Variants in MBTPS1 observed in about 807,000 individuals in gnomAD.
MBTPS1 encodes membrane-bound transcription factor site-1 protease.
Under a neutral mutation model 127.8 loss-of-function variants are expected in MBTPS1, and 94 were observed. The observed-to-expected ratio is 0.74, with a 90% confidence interval of 0.62 to 0.87. The LOEUF is 0.87. MBTPS1 is among the 40% of genes least tolerant of loss of function. The probability of loss-of-function intolerance (pLI) is 0.00; values close to 1 mark genes in which losing one functional copy is unlikely to be tolerated. For missense variants in MBTPS1, 1,636 were observed against 1,353.2 expected, an observed-to-expected ratio of 1.21 and a Z score of -3.28; for synonymous variants, 632 against 509.4, an observed-to-expected ratio of 1.24 and a Z score of -3.24.
chr16:84,093,017 G>A (rs1254488045), intron 6 of MBTPS1, among the ~76,000 whole-genome samples, 171 bp downstream of exon 6: 3 of 152,194 alleles, frequency 2.0e-5, no homozygotes, highest in Non-Finnish European at 2.9e-5. Flanking sequence ...GGAGAAGGGC[G>A]GAGCCACCCA....
rs564431586 is a variant in MBTPS1, at chr16:84,112,671, A to C, written c.-325+4064T>G. On this transcript the variant is annotated intron_variant, in intron 1 of 22. Coordinates refer to ENST00000343411, the MANE Select transcript of MBTPS1 (RefSeq NM_003791.4). Reference sequence around the variant, plus strand: ...AGCGAGACTCGGTCTCAAAAAAAACAAAAAAAAACAAAAAAAGAATACGCC... The same window carrying C: ...AGCGAGACTCGGTCTCAAAAAAAACCAAAAAAAACAAAAAAAGAATACGCC... Among the ~76,000 whole-genome samples the C allele has an allele frequency of 1.1e-3, 165 of 145,846 alleles. 10 individuals are homozygous for C. Among genetic ancestry groups the C allele is most frequent in the Non-Finnish European group, 2.1e-3 (137 of 66,020 alleles).
chr16:84,088,765 T>C (rs1302517275), intron 8 of MBTPS1, among the ~76,000 whole-genome samples: 1 of 152,096 alleles, frequency 6.6e-6, no homozygotes, highest in African/African-American at 2.4e-5. Context: ...CGTATGCATG[T>C]TACTGTCCTC....
At chr16:84,087,024 A>T (rs1211234082) in intron 9 of MBTPS1, among the ~76,000 whole-genome samples, 1 of 152,130 alleles carries the variant, frequency 6.6e-6, no homozygotes, top group East Asian at 1.9e-4. Flanking sequence ...ACTGCTTACC[A>T]CTACTAGATA....
At chr16:84,070,070 C>T (rs758274372) in intron 13 of MBTPS1, 32 bp from the exon 14 acceptor site, 2 of 1,536,614 alleles carry the variant, frequency 1.3e-6, no homozygotes, top group Admixed American at 4.6e-5. Context: ...TTGAAACGCC[C>T]TCATTGTGCA....
intron 6 of MBTPS1, among the ~76,000 whole-genome samples, chr16:84,092,645 T>C (rs773815136): frequency 6.6e-6 from 1 of 152,192 alleles, no homozygotes; most frequent in East Asian, 1.9e-4. Flanking sequence ...ATTCAAAAAT[T>C]AACCTTAAAA....
intron 18 of MBTPS1, among the ~76,000 whole-genome samples, chr16:84,063,867 C>G (rs1044785890): frequency 6.6e-6 from 1 of 152,182 alleles, no homozygotes; most frequent in East Asian, 1.9e-4. Context: ...TCTATGAATA[C>G]AGTCATATAT....
intron 19 of MBTPS1, among the ~76,000 whole-genome samples, chr16:84,062,500 G>A (rs1017959216): frequency 9.9e-5 from 15 of 152,148 alleles, no homozygotes; most frequent in African/African-American, 3.4e-4. Flanking sequence ...AGCCTGAAAC[G>A]GAGGGGCACA....
chr16:84,069,426 T>C (rs2085737964), intron 14 of MBTPS1, among the ~76,000 whole-genome samples: 1 of 114,108 alleles, frequency 8.8e-6, no homozygotes, highest in Non-Finnish European at 2.0e-5. Context: ...TAGAATTTGT[T>C]TTAAGATTAC....
Position 84,068,372 on chromosome 16 carries a change from C to A in MBTPS1, c.2038G>T (p.Ala680Ser), listed in dbSNP as rs1296932474. 2 of 1,613,966 alleles carry A rather than the reference C, an allele frequency of 1.2e-6. No homozygotes were observed. The highest frequency in any genetic ancestry group is 1.6e-4 in the Middle Eastern group (1 of 6,062). Residue 680 changes from alanine (A) to serine (S), a missense_variant, in exon 15 of 23, where the codon GCC becomes TCC. Transcript: ENST00000343411. ...CTGGCATCAAAACACGTGAAGGGGG[C>A]CCCGAGGACCTCTACAAAGTAGCCC... ...SMGYFVEVLG[A>S]PFTCFDASQY...
intron 11 of MBTPS1, among the ~76,000 whole-genome samples, chr16:84,081,054 G>C (rs954256083): frequency 6.6e-6 from 1 of 152,232 alleles, no homozygotes; most frequent in Non-Finnish European, 1.5e-5. Flanking sequence ...GAATGGACCT[G>C]TGGGACAATG....
chr16:84,105,546 G>A (rs577224369), intron 1 of MBTPS1, among the ~76,000 whole-genome samples: 2 of 152,236 alleles, frequency 1.3e-5, no homozygotes, highest in South Asian at 4.2e-4. Context: ...GCGTGAGGGA[G>A]GGAGGAGCAG....
intron 9 of MBTPS1, 62 bp downstream of exon 9, chr16:84,087,296 G>T (rs1017478832): frequency 7.8e-7 from 1 of 1,286,780 alleles, no homozygotes; most frequent in Admixed American, 1.7e-5. Flanking sequence ...GTCAACAACC[G>T]GTGCCACTAG....
chr16:84,087,626 A>C (rs1223201909), intron 8 of MBTPS1, among the ~76,000 whole-genome samples, 166 bp from the exon 9 acceptor site: 1 of 152,132 alleles, frequency 6.6e-6, no homozygotes, highest in East Asian at 1.9e-4. Context: ...CTGTCCTGTG[A>C]AACGCATGAT....
chr16:84,082,670 G>C (rs923112273), intron 10 of MBTPS1, among the ~76,000 whole-genome samples: 11 of 152,176 alleles, frequency 7.2e-5, no homozygotes, highest in Non-Finnish European at 1.6e-4. Context: ...ACTCTCCTAA[G>C]TTCCTAAATA....
intron 20 of MBTPS1, chr16:84,060,452 G>T: frequency 4.1e-6 from 2 of 483,440 alleles, no homozygotes; most frequent in Non-Finnish European, 3.7e-6. Flanking sequence ...GGGTGCACGT[G>T]GGAAAGCAGC....
intron 1 of MBTPS1, among the ~76,000 whole-genome samples, chr16:84,112,697 G>C (rs138730827): frequency 6.8e-6 from 1 of 147,152 alleles, no homozygotes; most frequent in East Asian, 2.1e-4. Context: ...AGAATACGCC[G>C]GGCTCGGTGG....
chr16:84,091,873 C>G (rs1394228249), intron 6 of MBTPS1, 25 bp from the exon 7 acceptor site: 1 of 1,304,784 alleles, frequency 7.7e-7, no homozygotes, highest in Admixed American at 1.7e-5. Flanking sequence ...TAACAGTCTG[C>G]TTAGTGTTTC....
intron 17 of MBTPS1, among the ~76,000 whole-genome samples, 158 bp downstream of exon 17, chr16:84,066,331 G>C (rs1160963861): frequency 6.6e-6 from 1 of 152,176 alleles, no homozygotes; most frequent in East Asian, 1.9e-4. Context: ...CAAAACTAGA[G>C]CCTCACAGAT....
chr16:84,056,170 A>G (rs575438427), intron 21 of MBTPS1, 35 bp from the exon 22 acceptor site: 1 of 1,597,148 alleles, frequency 6.3e-7, no homozygotes, highest in African/African-American at 1.3e-5. Context: ...AACAAAAATA[A>G]GCCATTGTAC....
Sources: allele counts gnomAD v4.1 joint callset (sites outside exome capture counted in the v4.1 genomes callset), GRCh38; gene constraint gnomAD v4.1.1; transcripts MANE v1.5; gene names NCBI Gene and HGNC (gene_info 2026-07-23, HGNC 2026-07-21).